OR2L13: variants seen among roughly 807,000 people sequenced by gnomAD.
The protein encoded by OR2L13 is olfactory receptor family 2 subfamily L member 13, also known as olfactory receptor 2L13.
A neutral mutation model predicts 15.3 loss-of-function variants in OR2L13; 14 were observed. The ratio of observed to expected loss-of-function variants is 0.91; its 90% CI spans 0.60 to 1.43. OR2L13 has a LOEUF of 1.43. Among genes scored for constraint, OR2L13 ranks in the 40% most tolerant of loss-of-function variants. The pLI is 0.00. For synonymous variants in OR2L13, 152 were observed against 142.9 expected, an observed-to-expected ratio of 1.06 and a Z score of -0.45; for missense variants, 367 against 387.9, an observed-to-expected ratio of 0.95 and a Z score of 0.45.
the OR2L13 span, among the ~76,000 whole-genome samples, chr1:248,014,165 A>T: frequency 6.6e-6 from 1 of 152,120 alleles, no homozygotes; most frequent in Non-Finnish European, 1.5e-5. Flanking sequence ...TGCTTATAAT[A>T]ATCTTATTGC....
chr1:248,099,912 T>C (rs755355841), exon 3 of OR2L13: 32 of 1,614,072 alleles, frequency 2.0e-5, no homozygotes, highest in East Asian at 2.2e-5. Flanking sequence ...TCTTCTGCGA[T>C]GTCCCAGCCA....
At chr1:247,967,851 TCTCCTC>T in the OR2L13 span, among the ~76,000 whole-genome samples, 2 of 149,908 alleles carry the variant, frequency 1.3e-5, no homozygotes, top group African/African-American at 5.0e-5. Flanking sequence ...TCTTCCTCCT[TCTCCTC>T]CTCCTCCTTC....
At chr1:248,089,406 C>T in the OR2L13 span, among the ~76,000 whole-genome samples, 1 of 152,030 alleles carries the variant, frequency 6.6e-6, no homozygotes, top group Admixed American at 6.6e-5. Context: ...GTAATTAACT[C>T]AATCTCCAGC....
At chr1:247,948,833 T>A in the OR2L13 span, 2 of 1,564,348 alleles carry the variant, frequency 1.3e-6, no homozygotes, top group Non-Finnish European at 1.7e-6. Context: ...GTGTCTCCCT[T>A]CCGAATGGAT....
the OR2L13 span, chr1:247,990,981 G>A: frequency 2.7e-6 from 4 of 1,505,724 alleles, no homozygotes; most frequent in South Asian, 3.4e-5. Flanking sequence ...AGGCCTATTC[G>A]ACCTGCAGCA....
the OR2L13 span, among the ~76,000 whole-genome samples, chr1:247,987,809 C>T: frequency 1.3e-5 from 2 of 152,200 alleles, no homozygotes; most frequent in East Asian, 3.9e-4. Flanking sequence ...TTACCCTTCT[C>T]CCACTTTGTC....
At chr1:247,990,287 A>C in the OR2L13 span, 1 of 1,002,324 alleles carries the variant, frequency 1.0e-6, no homozygotes, top group East Asian at 2.4e-5. Flanking sequence ...ACAATCAAAC[A>C]TCAACTGCTT....
the OR2L13 span, among the ~76,000 whole-genome samples, chr1:248,059,512 G>A: frequency 6.6e-6 from 1 of 152,142 alleles, no homozygotes; most frequent in African/African-American, 2.4e-5. Context: ...AGAGAATTTT[G>A]AAATTAGGCA....
At chr1:248,071,029 C>T in the OR2L13 span, among the ~76,000 whole-genome samples, 1 of 152,050 alleles carries the variant, frequency 6.6e-6, no homozygotes, top group African/African-American at 2.4e-5. Context: ...GGATTCACAG[C>T]CGAATTCTAC....
At chr1:248,088,945 ACACCAACTAGGTGTCTTACTATT>A in the OR2L13 span, among the ~76,000 whole-genome samples, 1 of 151,984 alleles carries the variant, frequency 6.6e-6, no homozygotes, top group Admixed American at 6.6e-5. Flanking sequence ...TCCAACTCTC[ACACCAACTAGGTGTCTTACTATT>A]CAATTTAATC....
At chr1:247,985,913 G>C in the OR2L13 span, among the ~76,000 whole-genome samples, 1 of 152,172 alleles carries the variant, frequency 6.6e-6, no homozygotes, top group Admixed American at 6.5e-5. Flanking sequence ...GTCTTCTTTT[G>C]AGAAGTGTCT....
At chr1:247,972,466 A>G in the OR2L13 span, among the ~76,000 whole-genome samples, 2 of 152,370 alleles carry the variant, frequency 1.3e-5, no homozygotes, top group Admixed American at 1.3e-4. Context: ...ACAAACTCGC[A>G]TCAGAGAATA....
chr1:248,014,177 G>A, the OR2L13 span, among the ~76,000 whole-genome samples: 2 of 151,950 alleles, frequency 1.3e-5, no homozygotes, highest in African/African-American at 2.4e-5. Context: ...TCTTATTGCT[G>A]TTTCTTACTT....
At chr1:248,061,470 C>T in the OR2L13 span, 1 of 1,613,958 alleles carries the variant, frequency 6.2e-7, no homozygotes, top group Non-Finnish European at 8.5e-7. Context: ...GTCCAAGATC[C>T]CTGCGATCTC....
At chr1:248,025,636 A>G in the OR2L13 span, among the ~76,000 whole-genome samples, 1 of 146,882 alleles carries the variant, frequency 6.8e-6, no homozygotes. Context: ...GCTGCTATAA[A>G]GACACATGCA....
the OR2L13 span, among the ~76,000 whole-genome samples, chr1:248,059,468 G>A: frequency 1.3e-5 from 2 of 152,142 alleles, no homozygotes; most frequent in African/African-American, 4.8e-5. Flanking sequence ...AAGACAAAAT[G>A]TGTAACCTAT....
At chr1:247,961,548 C>T in the OR2L13 span, among the ~76,000 whole-genome samples, 5,576 of 152,176 alleles carry the variant, frequency 0.037, 116 homozygotes, top group African/African-American at 0.057. Context: ...GCAAAGACTC[C>T]GATGTCCGGT....
At chr1:247,955,337 C>A in the OR2L13 span, among the ~76,000 whole-genome samples, 2 of 151,786 alleles carry the variant, frequency 1.3e-5, no homozygotes, top group Non-Finnish European at 2.9e-5. Context: ...TTTTCTTAAT[C>A]CAGTCTATCA....
the OR2L13 span, among the ~76,000 whole-genome samples, chr1:248,057,231 G>A: frequency 7.6e-4 from 115 of 152,216 alleles, no homozygotes; most frequent in Admixed American, 1.4e-3. Context: ...TAGTGACGGT[G>A]GGGTATTAAA....
Sources: allele counts gnomAD v4.1 joint callset (sites outside exome capture counted in the v4.1 genomes callset), GRCh38; gene constraint gnomAD v4.1.1; transcripts MANE v1.5; gene names NCBI Gene and HGNC (gene_info 2026-07-23, HGNC 2026-07-21).